The following HEXB variants were observed in gnomAD, a reference collection of about 807,000 sequenced individuals.
HEXB encodes hexosaminidase subunit beta.
HEXB carries 51 observed loss-of-function variants against 71.2 expected under a neutral mutation model. The observed-to-expected ratio is 0.72, with a 90% confidence interval of 0.57 to 0.90. The LOEUF (loss-of-function observed/expected upper bound fraction) is 0.90. Ranked by LOEUF, HEXB falls within the 40% of genes least tolerant of loss-of-function variation. The pLI is 0.00. For synonymous variants in HEXB, 266 were observed against 249.3 expected (o/e 1.07, Z -0.63); for missense variants, 617 against 677.0 (o/e 0.91, Z 0.98).
At chr5:74,657,978 A>C (rs1748251796) in intron 1 of HEXB, among the ~76,000 whole-genome samples, 1 of 152,200 alleles carries the variant, frequency 6.6e-6, no homozygotes, top group Non-Finnish European at 1.5e-5. Flanking sequence ...AAGAATCTCC[A>C]GTGCAAGTGT....
intron 1 of HEXB, among the ~76,000 whole-genome samples, chr5:74,645,239 C>A (rs1315900470): frequency 6.6e-6 from 1 of 152,036 alleles, no homozygotes; most frequent in Non-Finnish European, 1.5e-5. Context: ...AGTTGCCAGG[C>A]TGGAGTGCAG....
intron 5 of HEXB, among the ~76,000 whole-genome samples, chr5:74,701,813 C>T (rs1352872123): frequency 6.6e-6 from 1 of 151,842 alleles, no homozygotes; most frequent in Non-Finnish European, 1.5e-5. Context: ...ACCACATGGG[C>T]ACATATGATG....
chr5:74,650,185 C>T lies in HEXB; in HGVS notation c.-377+9627C>T, dbSNP rs569986293. 4.6e-5 allele frequency among the ~76,000 whole-genome samples: 7 copies of T among 152,298 alleles called. No individual in the cohort carries two copies. The South Asian group carries it at 1.2e-3, about 27-fold the overall frequency. ...AGATGCAAAGCATGCTGTCAGTGAG[C>T]GGGCACGGAACCTCCTCGAGCATGT... On this transcript the variant is annotated intron_variant, in intron 1 of 13. Coordinates refer to the HEXB transcript ENST00000511181.
chr5:74,709,967 G>A (rs908722638), intron 6 of HEXB, among the ~76,000 whole-genome samples: 417 of 150,980 alleles, frequency 2.8e-3, no homozygotes, highest in African/African-American at 7.9e-3. Context: ...TACCAAAGCC[G>A]GGCAGAGACA....
intron 2 of HEXB, among the ~76,000 whole-genome samples, chr5:74,692,334 CA>C (rs916578254): frequency 0.056 from 2,912 of 52,450 alleles, 80 homozygotes; most frequent in African/African-American, 0.16. Context: ...CCTGTCTCTA[CA>C]AAAAAAAAAA....
chr5:74,681,024 G>A (rs775917168), upstream of HEXB, among the ~76,000 whole-genome samples: 9 of 152,178 alleles, frequency 5.9e-5, no homozygotes, highest in South Asian at 4.1e-4. Flanking sequence ...AATTCCATGC[G>A]TTAGCTTTAA....
At chr5:74,705,507 C>T (rs770650804) in intron 6 of HEXB, 187 bp downstream of exon 6, 90 of 583,224 alleles carry the variant, frequency 1.5e-4, no homozygotes, top group Non-Finnish European at 2.2e-4. Context: ...ATTGTTATAA[C>T]GGTTACTGTA....
Position 74,685,573 on chromosome 5 carries a change from G to A in HEXB, c.299+14G>A, listed in dbSNP as rs1000929504. 1.2e-5 allele frequency: 19 copies of A among 1,535,996 alleles called. No homozygotes were observed. Among genetic ancestry groups the A allele is most frequent in the Non-Finnish European group, 1.6e-5 (18 of 1,144,952 alleles). ...AGCGTTTCGACGGTGAGCGCTCCCG[G>A]CCCGGCCGGGAGTTGTCCTGGGGGA... On this transcript the variant is annotated intron_variant, in intron 1 of 13. Transcript: ENST00000261416.
intron 7 of HEXB, among the ~76,000 whole-genome samples, chr5:74,714,300 T>C (rs917150616): frequency 2.0e-5 from 3 of 152,216 alleles, no homozygotes; most frequent in African/African-American, 7.2e-5. Context: ...GAGCAAGTCA[T>C]TGTGATTAGG....
intron 1 of HEXB, among the ~76,000 whole-genome samples, chr5:74,673,893 C>T (rs1489691533): frequency 6.6e-6 from 1 of 152,184 alleles, no homozygotes; most frequent in Non-Finnish European, 1.5e-5. Flanking sequence ...ACTCGATACT[C>T]TGTAATTAGT....
In HEXB at chr5:74,651,729, C is replaced by G. The variant is rs1580358936; in HGVS notation, c.-377+11171C>G. On this transcript the variant is annotated intron_variant, in intron 1 of 13. Transcript: ENST00000511181. ...ATGAACCTTTCTATGGATAAACTAA[C>G]CAGCATCTCTGTGCTTTTCCTCTCA... Among the ~76,000 whole-genome samples, 3 of 152,318 alleles carry G rather than the reference C, an allele frequency of 2.0e-5. No individual in the cohort carries two copies. The South Asian group carries it at 6.2e-4, about 32-fold the overall frequency.
chr5:74,712,483 CAACT>C (rs1434519549), intron 6 of HEXB, among the ~76,000 whole-genome samples: 3 of 151,980 alleles, frequency 2.0e-5, no homozygotes, highest in Non-Finnish European at 4.4e-5. Flanking sequence ...CACATTTCTC[CAACT>C]GTCTTTTTCT....
chr5:74,652,448 G>A lies in HEXB; in HGVS notation c.-377+11890G>A, dbSNP rs964245390. ...CATGTATTTGCTTAATCAATGGTAC[G>A]AAAATTGCAGCCGCTCCCATGTGTT... On this transcript the variant is annotated intron_variant, in intron 1 of 13. Coordinates refer to the HEXB transcript ENST00000511181. The surrounding 1 kb of genome is among the most constrained non-coding windows in gnomAD (Gnocchi z 5.4). Among the ~76,000 whole-genome samples the A allele has an allele frequency of 1.7e-4, 26 of 152,322 alleles. No individual in the cohort carries two copies. The East Asian group carries it at 2.1e-3, about 12-fold the overall frequency.
intron 7 of HEXB, among the ~76,000 whole-genome samples, chr5:74,715,144 C>T (rs1749640243): frequency 6.6e-6 from 1 of 152,180 alleles, no homozygotes; most frequent in South Asian, 2.1e-4. Flanking sequence ...AGCTTAAGGA[C>T]TGCAGATGTT....
At position 74,717,968 on chromosome 5, in the gene HEXB, G is replaced by T. The variant is rs572656151; in HGVS notation, c.1170-323G>T. 6.6e-5 allele frequency among the ~76,000 whole-genome samples: 10 copies of T among 152,296 alleles called. No individual in the cohort carries two copies. In the East Asian group the frequency reaches 7.7e-4, roughly 12 times the overall value. On this transcript the variant is annotated intron_variant, in intron 9 of 13. Coordinates refer to ENST00000261416, the MANE Select transcript of HEXB (RefSeq NM_000521.4). ...ACCATTTTAAGACAGCCATAAAATT[G>T]TAAGAGATTGCTGTTTGTACAATTT...
At chr5:74,666,838 A>T (rs946859237) in intron 1 of HEXB, among the ~76,000 whole-genome samples, 2 of 152,132 alleles carry the variant, frequency 1.3e-5, no homozygotes, top group Non-Finnish European at 2.9e-5. Flanking sequence ...AGAGAGAGAG[A>T]ACACACACAC....
At chr5:74,688,778 T>C (rs1407344847) in intron 1 of HEXB, among the ~76,000 whole-genome samples, 2 of 152,180 alleles carry the variant, frequency 1.3e-5, no homozygotes, top group Non-Finnish European at 1.5e-5. Flanking sequence ...GGAAAACTTA[T>C]TTCACACATT....
At chr5:74,688,144 CATTTAATGCCTTTACAAT>C (rs940666437) in intron 1 of HEXB, among the ~76,000 whole-genome samples, 66 of 151,610 alleles carry the variant, frequency 4.4e-4, no homozygotes, top group African/African-American at 1.4e-3. Flanking sequence ...ATGTATTTAA[CATTTAATGCCTTTACAAT>C]ATTTAATGCC....
chr5:74,719,624 A>G (rs1749767629), intron 11 of HEXB, among the ~76,000 whole-genome samples: 1 of 152,248 alleles, frequency 6.6e-6, no homozygotes, highest in Non-Finnish European at 1.5e-5. Flanking sequence ...TATGAGGACC[A>G]AAAAGCGATA....
Sources: gnomAD v4.1 joint callset for allele counts (sites outside exome capture counted in the v4.1 genomes callset) on GRCh38, gnomAD v4.1.1 for gene constraint, Gnocchi (gnomAD v3.1) non-coding constraint, MANE v1.5 for transcripts, NCBI Gene and HGNC (gene_info 2026-07-23, HGNC 2026-07-21) for gene names.